LYRM4: variants seen among roughly 807,000 people sequenced by gnomAD.
The protein encoded by LYRM4 is LYR motif-containing protein 4.
LYRM4 carries 9 observed loss-of-function variants against 11.7 expected under a neutral mutation model. The observed-to-expected ratio is 0.77, with a 90% CI of 0.46 to 1.34. The LOEUF is 1.34. Among genes scored for constraint, LYRM4 ranks in the 40% most tolerant of loss-of-function variants. The probability of loss-of-function intolerance (pLI) is 0.00; values close to 1 mark genes in which losing one functional copy is unlikely to be tolerated. For missense variants in LYRM4, 133 were observed against 112.5 expected, an observed-to-expected ratio of 1.18 and a Z score of -0.82; for synonymous variants, 42 against 40.4, an observed-to-expected ratio of 1.04 and a Z score of -0.15.
chr6:5,245,930 T>A (rs1051648341), intron 1 of LYRM4, among the ~76,000 whole-genome samples: 3 of 152,162 alleles, frequency 2.0e-5, no homozygotes, highest in African/African-American at 7.2e-5. Flanking sequence ...TGACAGGACA[T>A]AAGGCGAGAA....
intron 2 of LYRM4, among the ~76,000 whole-genome samples, chr6:5,214,885 T>TGTTCTGCAAGGTCGCC (rs1242784970): frequency 1.3e-5 from 2 of 151,744 alleles, no homozygotes; most frequent in Admixed American, 1.3e-4. Flanking sequence ...GACAGCAAGC[T>TGTTCTGCAAGGTCGCC]GTTCTGCAAG....
At chr6:5,067,053 TTAATTA>T in the LYRM4 span, 1 of 364,638 alleles carries the variant, frequency 2.7e-6, no homozygotes, top group Non-Finnish European at 4.9e-6. Context: ...AAATTTATTT[TTAATTA>T]TATCATTGAA....
chr6:5,237,655 G>A (rs778822054), intron 1 of LYRM4, among the ~76,000 whole-genome samples: 11 of 152,096 alleles, frequency 7.2e-5, no homozygotes, highest in Non-Finnish European at 1.3e-4. Context: ...GGTGAACTGA[G>A]CACTACTTAT....
At chr6:5,166,013 G>GTT (rs142502086) in intron 2 of LYRM4, among the ~76,000 whole-genome samples, 1 of 151,612 alleles carries the variant, frequency 6.6e-6, no homozygotes, top group African/African-American at 2.4e-5. Flanking sequence ...TAATTTTAGT[G>GTT]TTTTTTTTAA....
intron 1 of LYRM4, among the ~76,000 whole-genome samples, chr6:5,228,696 T>C (rs1314974278): frequency 6.6e-6 from 1 of 152,038 alleles, no homozygotes; most frequent in African/African-American, 2.4e-5. Context: ...ACTAGCAAAG[T>C]TTAATAATTA....
chr6:5,085,141 C>A, the LYRM4 span: 11 of 316,490 alleles, frequency 3.5e-5, no homozygotes, highest in Non-Finnish European at 6.3e-5. Flanking sequence ...AAAGTCGCCC[C>A]CCGCATTCCA....
chr6:5,066,800 T>C, the LYRM4 span: 1 of 743,844 alleles, frequency 1.3e-6, no homozygotes, highest in Non-Finnish European at 2.4e-6. Flanking sequence ...ACACCCTCCT[T>C]GGTGAGTTCC....
chr6:5,241,535 A>C (rs1437102310), intron 1 of LYRM4, among the ~76,000 whole-genome samples: 1 of 151,908 alleles, frequency 6.6e-6, no homozygotes, highest in Non-Finnish European at 1.5e-5. Context: ...ACTTGGCCTC[A>C]GTATAGAATT....
chr6:5,191,953 G>A (rs1481319032), intron 2 of LYRM4, among the ~76,000 whole-genome samples: 1 of 152,108 alleles, frequency 6.6e-6, no homozygotes, highest in African/African-American at 2.4e-5. Flanking sequence ...CAATCCGACA[G>A]ATTAAGACTG....
chr6:5,237,477 T>C (rs566834636), intron 1 of LYRM4, among the ~76,000 whole-genome samples: 5 of 152,166 alleles, frequency 3.3e-5, no homozygotes, highest in African/African-American at 1.2e-4. Flanking sequence ...TTTCATTATA[T>C]AGTACAATGT....
chr6:5,216,779 T>TG (rs773395920), intron 1 of LYRM4, 41 bp from the exon 2 acceptor site: 5 of 1,586,708 alleles, frequency 3.2e-6, no homozygotes, highest in Admixed American at 1.8e-5. Context: ...GGTGTCAGCG[T>TG]GTCTGAGGCT....
At chr6:5,260,578 G>C in intron 1 of LYRM4, 70 bp downstream of exon 1, 2 of 1,518,778 alleles carry the variant, frequency 1.3e-6, no homozygotes, top group Non-Finnish European at 1.8e-6. Context: ...GGGATATTCC[G>C]CGTCAGCCCG....
chr6:5,141,502 G>A (rs1310092664), intron 2 of LYRM4, among the ~76,000 whole-genome samples: 4 of 152,206 alleles, frequency 2.6e-5, no homozygotes, highest in African/African-American at 7.2e-5. Context: ...CAACGCACAT[G>A]TCCACCGTAG....
intron 2 of LYRM4, among the ~76,000 whole-genome samples, chr6:5,194,401 C>A (rs534624976): frequency 1.3e-5 from 2 of 152,092 alleles, no homozygotes; most frequent in African/African-American, 2.4e-5. Flanking sequence ...CCCTGGTGTG[C>A]GGCTGGTAAT....
chr6:5,166,533 T>A (rs1410211353), intron 2 of LYRM4, among the ~76,000 whole-genome samples: 2 of 152,250 alleles, frequency 1.3e-5, no homozygotes, highest in East Asian at 3.8e-4. Context: ...TTCCTACTTG[T>A]CCTATTTGTT....
the LYRM4 span, among the ~76,000 whole-genome samples, chr6:5,065,366 A>T: frequency 6.6e-6 from 1 of 152,126 alleles, no homozygotes; most frequent in East Asian, 1.9e-4. Context: ...ATCATATTAA[A>T]ATTTAAACAA....
At chr6:5,082,627 T>A in the LYRM4 span, among the ~76,000 whole-genome samples, 2 of 152,232 alleles carry the variant, frequency 1.3e-5, no homozygotes, top group African/African-American at 4.8e-5. Flanking sequence ...GGCAACAGCC[T>A]CCTATGGGGC....
intron 1 of LYRM4, among the ~76,000 whole-genome samples, chr6:5,221,228 T>C (rs1032348857): frequency 6.6e-6 from 1 of 152,236 alleles, no homozygotes; most frequent in African/African-American, 2.4e-5. Flanking sequence ...TTCTTATTCA[T>C]AAGATCTCTG....
the LYRM4 span, among the ~76,000 whole-genome samples, chr6:5,065,187 G>C: frequency 6.6e-6 from 1 of 152,034 alleles, no homozygotes; most frequent in Non-Finnish European, 1.5e-5. Flanking sequence ...TCTTTTTGTG[G>C]CTTGACAGTG....
Sources: gnomAD v4.1 joint callset for allele counts (sites outside exome capture counted in the v4.1 genomes callset) on GRCh38, gnomAD v4.1.1 for gene constraint, MANE v1.5 for transcripts, NCBI Gene and HGNC (gene_info 2026-07-23, HGNC 2026-07-21) for gene names.